The following KLRF1 variants were observed in gnomAD, a reference collection of about 807,000 sequenced individuals.
The protein encoded by KLRF1 is killer cell lectin like receptor F1.
In KLRF1, 27 loss-of-function variants were observed where a neutral mutation model predicts 30.7. The ratio of observed to expected loss-of-function variants is 0.88; its 90% CI spans 0.65 to 1.21. The LOEUF (loss-of-function observed/expected upper bound fraction) is 1.21. Ranked by LOEUF, KLRF1 falls within the 50% of genes most tolerant of loss-of-function variation. KLRF1 has a pLI of 0.00. For synonymous variants in KLRF1, 92 were observed against 89.3 expected, an observed-to-expected ratio of 1.03 and a Z score of -0.17; for missense variants, 246 against 259.3, an observed-to-expected ratio of 0.95 and a Z score of 0.35.
the KLRF1 span, among the ~76,000 whole-genome samples, chr12:9,818,596 G>C: frequency 6.6e-6 from 1 of 152,166 alleles, no homozygotes; most frequent in African/African-American, 2.4e-5. Flanking sequence ...TGAAGACCAA[G>C]CAGCATCTAG....
At chr12:9,836,596 A>G (rs1184266030) in intron 3 of KLRF1, among the ~76,000 whole-genome samples, 1 of 152,148 alleles carries the variant, frequency 6.6e-6, no homozygotes, top group Non-Finnish European at 1.5e-5. Flanking sequence ...ATGACTTTCC[A>G]GATAAATGTA....
the KLRF1 span, chr12:9,817,961 TC>T: frequency 6.7e-5 from 14 of 209,880 alleles, no homozygotes; most frequent in East Asian, 1.8e-3. Flanking sequence ...AGTTTGGTCC[TC>T]ATCATACGAA....
intron 3 of KLRF1, among the ~76,000 whole-genome samples, chr12:9,834,631 C>T (rs1401464488): frequency 2.0e-5 from 3 of 151,802 alleles, no homozygotes; most frequent in South Asian, 2.1e-4. Flanking sequence ...AGAAACTAAA[C>T]GGCAGATACA....
At chr12:9,821,001 G>T in the KLRF1 span, among the ~76,000 whole-genome samples, 1 of 152,114 alleles carries the variant, frequency 6.6e-6, no homozygotes, top group East Asian at 1.9e-4. Context: ...GTGGCTCAGA[G>T]TTCCCCTGGG....
chr12:9,830,693 C>T (rs1867399618), intron 1 of KLRF1, among the ~76,000 whole-genome samples: 1 of 151,622 alleles, frequency 6.6e-6, no homozygotes, highest in African/African-American at 2.4e-5. Context: ...TGGATTTCCT[C>T]CTATTGAATA....
In KLRF1 at chr12:9,827,539, T is replaced by C. The variant is rs774094631; in HGVS notation, c.-6T>C. The C allele has an allele frequency of 1.9e-5, 30 of 1,573,778 alleles. No homozygotes were observed. The highest frequency in any genetic ancestry group is 1.7e-4 in the Middle Eastern group (1 of 5,986). ...CTGTATACACACACATTCACTCACA[T>C]TGAAGATGCAAGATGAAGAAAGATA... On this transcript the variant is annotated 5_prime_UTR_variant, in exon 1 of 6. Transcript: ENST00000617889.
intron 1 of KLRF1, among the ~76,000 whole-genome samples, chr12:9,828,568 A>G (rs1280622925): frequency 6.6e-6 from 1 of 152,198 alleles, no homozygotes; most frequent in Non-Finnish European, 1.5e-5. Context: ...GAAATTAAAG[A>G]CACAAATAAT....
chr12:9,840,875 A>G (rs1642207103), intron 3 of KLRF1, among the ~76,000 whole-genome samples: 1 of 152,100 alleles, frequency 6.6e-6, no homozygotes, highest in Non-Finnish European at 1.5e-5. Flanking sequence ...TTCAGCCGTT[A>G]TGGGAGACTG....
chr12:9,836,641 A>C, intron 3 of KLRF1, among the ~76,000 whole-genome samples: 1 of 152,200 alleles, frequency 6.6e-6, no homozygotes, highest in East Asian at 1.9e-4. Flanking sequence ...CTAATCTACT[A>C]GTTCGTATTT....
chr12:9,843,993 G>A (rs1323091136), intron 5 of KLRF1, among the ~76,000 whole-genome samples: 2 of 151,986 alleles, frequency 1.3e-5, no homozygotes, highest in Admixed American at 1.3e-4. Context: ...AGTTCGTTTT[G>A]TGTATTGAGT....
chr12:9,805,796 T>G, the KLRF1 span, among the ~76,000 whole-genome samples: 1 of 152,078 alleles, frequency 6.6e-6, no homozygotes, highest in Non-Finnish European at 1.5e-5. Context: ...ATCTAATTTG[T>G]AATACTTGAT....
intron 5 of KLRF1, among the ~76,000 whole-genome samples, chr12:9,844,178 T>C (rs1171754672): frequency 6.6e-6 from 1 of 152,100 alleles, no homozygotes. Context: ...AATACTAGAA[T>C]GGGAATGTGG....
chr12:9,803,646 T>G, the KLRF1 span, among the ~76,000 whole-genome samples: 1 of 152,054 alleles, frequency 6.6e-6, no homozygotes, highest in Non-Finnish European at 1.5e-5. Context: ...TTTCTCTTCT[T>G]CTTATTTTTT....
chr12:9,802,214 T>A, the KLRF1 span, among the ~76,000 whole-genome samples: 11 of 152,196 alleles, frequency 7.2e-5, no homozygotes, highest in African/African-American at 2.4e-4. Context: ...ATCCGTCACA[T>A]AAACAGAACC....
the KLRF1 span, among the ~76,000 whole-genome samples, chr12:9,806,854 A>G: frequency 3.3e-5 from 5 of 151,782 alleles, no homozygotes; most frequent in Non-Finnish European, 7.4e-5. Flanking sequence ...CTAACTTTTA[A>G]AAGCATTTTG....
chr12:9,825,908 T>C (rs1402475864), upstream of KLRF1, among the ~76,000 whole-genome samples: 1 of 152,134 alleles, frequency 6.6e-6, no homozygotes, highest in African/African-American at 2.4e-5. Flanking sequence ...TTAATTTACT[T>C]CTTATCCATT....
chr12:9,814,371 G>C, the KLRF1 span, among the ~76,000 whole-genome samples: 1 of 152,330 alleles, frequency 6.6e-6, no homozygotes, highest in East Asian at 1.9e-4. Flanking sequence ...CACGCCGCTG[G>C]GAGGCGCCTG....
In KLRF1 at chr12:9,832,656, AGTGTGTGTGT is replaced by A. The variant is rs58686028; in HGVS notation, c.184+265_184+274del. 6.9e-3 allele frequency among the ~76,000 whole-genome samples: 1,013 copies of A among 146,718 alleles called. 14 individuals carry two copies. The highest frequency in any genetic ancestry group is 0.024 in the African/African-American group (970 of 40,186). On this transcript the variant is annotated intron_variant, in intron 2 of 5. Transcript: ENST00000617889. ...TACGGAGAAAGGAGTGTATGTGTAGAGTGTGTGTGTGTGTGTGTGTGTGTGTGTGTGTATG... is the reference window on the plus strand; with the variant it reads ...TACGGAGAAAGGAGTGTATGTGTAGAGTGTGTGTGTGTGTGTGTGTGTATG...
upstream of KLRF1, among the ~76,000 whole-genome samples, chr12:9,826,503 G>T (rs1417527419): frequency 6.6e-6 from 1 of 152,036 alleles, no homozygotes; most frequent in Non-Finnish European, 1.5e-5. Context: ...CCAGAAATTT[G>T]ACCCAGCAAT....
Sources: allele counts gnomAD v4.1 joint callset (sites outside exome capture counted in the v4.1 genomes callset), GRCh38; gene constraint gnomAD v4.1.1; transcripts MANE v1.5; gene names NCBI Gene and HGNC (gene_info 2026-07-23, HGNC 2026-07-21).